PPARA: variants seen among roughly 807,000 people sequenced by gnomAD.
PPARA encodes the protein peroxisome proliferator-activated receptor alpha.
In PPARA, 22 loss-of-function variants were observed where a neutral mutation model predicts 42.2. The ratio of observed to expected loss-of-function variants is 0.52; its 90% CI spans 0.37 to 0.74. The LOEUF (loss-of-function observed/expected upper bound fraction) is 0.74. PPARA is among the 30% of genes least tolerant of loss of function. The probability of loss-of-function intolerance (pLI) is 0.00; values close to 1 mark genes in which losing one functional copy is unlikely to be tolerated. For missense variants in PPARA, 465 were observed against 608.2 expected (o/e 0.76, Z 2.48); for synonymous variants, 242 against 239.3 (o/e 1.01, Z -0.10).
chr22:46,164,856 A>G (rs1318881464), intron 2 of PPARA: 1 of 152,192 alleles, frequency 6.6e-6, no homozygotes, highest in Non-Finnish European at 1.5e-5. Flanking sequence ...TTGTTTTCCT[A>G]TTTCATTCAG....
rs889578764 is a variant in PPARA, at chr22:46,222,862, G to T, written c.711+2848G>T. ...AGGAGACCTCGTCTCTACAAAAAAT[G>T]ATTTTTTAAAAAACTAGCTGGGCAT... On this transcript the variant is annotated intron_variant, in intron 7 of 8. Transcript: ENST00000407236. The surrounding 1 kb of genome is among the most constrained non-coding windows in gnomAD (Gnocchi z 5.9). Among the ~76,000 whole-genome samples, 7 of 152,012 alleles carry T rather than the reference G, an allele frequency of 4.6e-5. No homozygotes were observed. The highest frequency in any genetic ancestry group is 1.7e-4 in the African/African-American group (7 of 41,382).
intron 4 of PPARA, among the ~76,000 whole-genome samples, chr22:46,199,649 AT>A (rs1235693725): frequency 2.6e-5 from 4 of 151,990 alleles, no homozygotes; most frequent in Non-Finnish European, 4.4e-5. Context: ...TTAAAAAAAA[AT>A]TTTTTTAAGC....
chr22:46,220,318 AT>A (rs1401944048), intron 7 of PPARA: 4 of 394,826 alleles, frequency 1.0e-5, no homozygotes, highest in African/African-American at 4.1e-5. Flanking sequence ...TCTTAGGAGC[AT>A]TTTTTCTTAA....
intron 4 of PPARA, among the ~76,000 whole-genome samples, chr22:46,198,868 C>T (rs1389529721): frequency 2.0e-5 from 3 of 152,054 alleles, no homozygotes; most frequent in Non-Finnish European, 4.4e-5. Flanking sequence ...ACTGTGTTAG[C>T]CAGGATGGTC....
At chr22:46,207,442 C>T (rs140730581) in intron 4 of PPARA, among the ~76,000 whole-genome samples, 2,391 of 149,670 alleles carry the variant, frequency 0.016, 62 homozygotes, top group African/African-American at 0.054. Context: ...CCACCACACC[C>T]GGCTAATTTT....
chr22:46,206,408 C>T lies in PPARA; in HGVS notation c.208+7817C>T, dbSNP rs550016719. Among the ~76,000 whole-genome samples the T allele has an allele frequency of 5.0e-4, 76 of 152,324 alleles. 1 individual carries two copies. Among genetic ancestry groups the T allele is most frequent in the South Asian group, 2.9e-3 (14 of 4,828 alleles). On this transcript the variant is annotated intron_variant, in intron 4 of 8. Coordinates refer to ENST00000407236, the MANE Select transcript of PPARA (RefSeq NM_005036.6). ...GGGATTATAGGCGTGAGCCACCGCA[C>T]CCAGCCTAATTGAGTCATTTTTAAG...
intron 4 of PPARA, 136 bp from the exon 5 acceptor site, chr22:46,215,037 G>A (rs1222781433): frequency 2.8e-6 from 3 of 1,064,364 alleles, no homozygotes; most frequent in Non-Finnish European, 4.2e-6. Flanking sequence ...GGCAGGGCCC[G>A]GCCCCGCATG....
rs1800242 is a variant in PPARA at position 46,231,990 on chromosome 22, G to A, written c.910G>A (p.Asp304Asn). The change falls in exon 8 of 9, where the codon GAT becomes AAT. Residue 304 changes from aspartate to asparagine, a missense_variant. Asp to Asn is a conservative substitution (Grantham distance 23). Around this residue, in one of 2 missense-constraint regions of PPARA, gnomAD observed 313 missense variants for 469.1 expected, o/e 0.67. Transcript: ENST00000407236. This position sits in a 1 kb window ranked among gnomAD's most constrained non-coding sequence, Gnocchi z 7.7. Reference sequence around the variant, plus strand: ...AGGCTTCGCAAACTTGGACCTGAACGATCAAGTGACATTGCTAAAATACGG... The same window carrying A: ...AGGCTTCGCAAACTTGGACCTGAACAATCAAGTGACATTGCTAAAATACGG... ...IPGFANLDLN[D>N]QVTLLKYGVY... The A allele has an allele frequency of 5.6e-6, 9 of 1,614,088 alleles. No individual in the cohort carries two copies. Among genetic ancestry groups the A allele is most frequent in the African/African-American group, 1.3e-5 (1 of 74,922 alleles).
At position 46,191,137 on chromosome 22, in the gene PPARA, T is replaced by C. The variant is rs201374844; in HGVS notation, c.-42-7205T>C. Among the ~76,000 whole-genome samples, 13 of 152,178 alleles carry C rather than the reference T, an allele frequency of 8.5e-5. No homozygotes were observed. Among genetic ancestry groups the C allele is most frequent in the African/African-American group, 2.9e-4 (12 of 41,526 alleles). On this transcript the variant is annotated intron_variant, in intron 3 of 8. Transcript: ENST00000407236. The surrounding 1 kb of genome is among the most constrained non-coding windows in gnomAD (Gnocchi z 4.6). Reference sequence around the variant, plus strand: ...GAACCCGGGAGGCGTGGGGTTGCAGTGAGCCGAGATTGCACAACTGCACTC... The same window carrying C: ...GAACCCGGGAGGCGTGGGGTTGCAGCGAGCCGAGATTGCACAACTGCACTC...
In PPARA at chr22:46,222,060, G is replaced by C. The variant is rs1260145989; in HGVS notation, c.711+2046G>C. The stretch of plus-strand genomic sequence containing the variant: ...CCACTGCACTCCAGCTTGGGCAACA[G>C]AGTGAGACTCTGTCTCAAAAAAAAA... On this transcript the variant is annotated intron_variant, in intron 7 of 8. Coordinates refer to ENST00000407236, the MANE Select transcript of PPARA (RefSeq NM_005036.6). This position sits in a 1 kb window ranked among gnomAD's most constrained non-coding sequence, Gnocchi z 5.9. Among the ~76,000 whole-genome samples, 1 of 151,780 alleles carries C rather than the reference G, an allele frequency of 6.6e-6. No homozygotes were observed. Among genetic ancestry groups the C allele is most frequent in the Non-Finnish European group, 1.5e-5 (1 of 67,986 alleles).
At position 46,200,349 on chromosome 22, in the gene PPARA, A is replaced by T. The variant is rs570012046; in HGVS notation, c.208+1758A>T. 2.8e-4 allele frequency among the ~76,000 whole-genome samples: 43 copies of T among 152,390 alleles called. No individual in the cohort carries two copies. The highest frequency in any genetic ancestry group is 1.0e-3 in the African/African-American group (42 of 41,600). ...GAGTACACTTAAACCCAGATGGTAG[A>T]GCCTGCTGCACACCGAGGCTCTGCG... On this transcript the variant is annotated intron_variant, in intron 4 of 8. Transcript: ENST00000407236. This position sits in a 1 kb window ranked among gnomAD's most constrained non-coding sequence, Gnocchi z 4.8.
Position 46,243,292 on chromosome 22 carries a change from CAT to C in PPARA, c.*7913_*7914del, listed in dbSNP as rs958399347. The C allele has an allele frequency of 9.8e-5, 15 of 152,306 alleles. No individual in the cohort carries two copies. The highest frequency in any genetic ancestry group is 3.6e-4 in the African/African-American group (15 of 41,548). The allele number at this position is 152,306 out of a possible 1,614,324, so 9.4% of individuals were successfully genotyped here. On this transcript the variant is annotated 3_prime_UTR_variant, in exon 9 of 9. Coordinates refer to ENST00000407236, the MANE Select transcript of PPARA (RefSeq NM_005036.6). The surrounding 1 kb of genome is among the most constrained non-coding windows in gnomAD (Gnocchi z 5.0). Reference sequence around the variant, plus strand: ...GCAAGGACTGGGCCCAGACTCTCCACATGTGCTCTACTAGTGAGTGCCTTATA... The same window carrying C: ...GCAAGGACTGGGCCCAGACTCTCCACGTGCTCTACTAGTGAGTGCCTTATA...
chr22:46,226,512 C>G (rs1935466394), intron 7 of PPARA, among the ~76,000 whole-genome samples: 3 of 152,148 alleles, frequency 2.0e-5, no homozygotes, highest in African/African-American at 7.2e-5. Flanking sequence ...TCTCCTATTG[C>G]TCCAAATTGT....
At chr22:46,198,899 T>TCTGC (rs1932682345) in intron 4 of PPARA, among the ~76,000 whole-genome samples, 2 of 152,148 alleles carry the variant, frequency 1.3e-5, no homozygotes, top group African/African-American at 4.8e-5. Flanking sequence ...GACCTCATGA[T>TCTGC]CTGCCCGCCT....
intron 7 of PPARA, among the ~76,000 whole-genome samples, chr22:46,226,501 T>C (rs1935465637): frequency 6.6e-6 from 1 of 152,210 alleles, no homozygotes; most frequent in Non-Finnish European, 1.5e-5. Context: ...TTTTCAAAGA[T>C]TCTCCTATTG....
rs781043840 is a variant in PPARA at position 46,211,464 on chromosome 22, C to T, written c.209-3709C>T. Among the ~76,000 whole-genome samples, 5 of 152,302 alleles carry T rather than the reference C, an allele frequency of 3.3e-5. No individual in the cohort carries two copies. The highest frequency in any genetic ancestry group is 1.9e-4 in the East Asian group (1 of 5,186). ...AATCATTCCAAATTATTCGGTGCAG[C>T]GCCTTTCCGCACCTGCACCCACTTT... On this transcript the variant is annotated intron_variant, in intron 4 of 8. Transcript: ENST00000407236. The surrounding 1 kb of genome is among the most constrained non-coding windows in gnomAD (Gnocchi z 4.1).
At chr22:46,208,757 T>C (rs1048506390) in intron 4 of PPARA, among the ~76,000 whole-genome samples, 2 of 152,164 alleles carry the variant, frequency 1.3e-5, no homozygotes, top group East Asian at 3.8e-4. Flanking sequence ...TGCTATGAGT[T>C]TGACCTTTTT....
In PPARA at chr22:46,174,485, A is replaced by C. The variant is rs12160049; in HGVS notation, c.-126-2268A>C. On this transcript the variant is annotated intron_variant, in intron 2 of 8. Transcript: ENST00000407236. ...ACCATGTCTGGATTCTGAAAGCTGC[A>C]GAGCAGAAAACCTGAAGAACAGATC... is the stretch of plus-strand genomic sequence containing the variant. 5.6e-3 allele frequency among the ~76,000 whole-genome samples: 859 copies of C among 152,232 alleles called. 12 individuals carry two copies. The highest frequency in any genetic ancestry group is 0.02 in the African/African-American group (813 of 41,506).
intron 2 of PPARA, among the ~76,000 whole-genome samples, chr22:46,166,123 C>T (rs1308357297): frequency 2.0e-5 from 3 of 152,188 alleles, no homozygotes; most frequent in African/African-American, 7.2e-5. Context: ...CAAGCTCTGC[C>T]GCCAGTTCTC....
Sources: gnomAD v4.1 joint callset for allele counts (sites outside exome capture counted in the v4.1 genomes callset) on GRCh38, gnomAD v4.1.1 for gene constraint, gnomAD v4.1.1 regional missense constraint, Gnocchi (gnomAD v3.1) non-coding constraint, MANE v1.5 for transcripts, NCBI Gene and HGNC (gene_info 2026-07-23, HGNC 2026-07-21) for gene names.